LYNX1: variants seen among roughly 807,000 people sequenced by gnomAD.
The protein encoded by LYNX1 is Ly6/neurotoxin 1.
A neutral mutation model predicts 8.3 loss-of-function variants in LYNX1; 8 were observed. That is an observed-to-expected ratio of 0.97 (90% CI 0.57 to 1.74). The LOEUF (loss-of-function observed/expected upper bound fraction) is 1.74, where lower values mean the gene tolerates loss of function less well. LYNX1 is among the 40% of genes most tolerant of loss of function. The probability of loss-of-function intolerance (pLI) is 0.00; values close to 1 mark genes in which losing one functional copy is unlikely to be tolerated. For missense variants in LYNX1, 158 were observed against 159.7 expected, an observed-to-expected ratio of 0.99 and a Z score of 0.06; for synonymous variants, 73 against 67.9, an observed-to-expected ratio of 1.08 and a Z score of -0.37.
At position 142,775,078 on chromosome 8, in the gene LYNX1, T is replaced by A; in HGVS notation, c.*89A>T. On this transcript the variant is annotated 3_prime_UTR_variant, in exon 4 of 4. Coordinates refer to ENST00000652477, the MANE Select transcript of LYNX1 (RefSeq NM_177477.4). Reference sequence around the variant, plus strand: ...GCATGGCTGAGGAGGTCGCAGGGAGTGTGGAGGGTGAGGCAGGGTGAGCTG... The same window carrying A: ...GCATGGCTGAGGAGGTCGCAGGGAGAGTGGAGGGTGAGGCAGGGTGAGCTG... The A allele has an allele frequency of 6.7e-7, 1 of 1,499,808 alleles. No individual in the cohort carries two copies. The highest frequency in any genetic ancestry group is 1.3e-5 in the South Asian group (1 of 76,252). 92.9% of individuals were successfully genotyped at this position (1,499,808 alleles called of 1,614,324 possible).
chr8:142,777,639 AC>A, upstream of LYNX1: 1 of 395,508 alleles, frequency 2.5e-6, no homozygotes, highest in Non-Finnish European at 4.5e-6. Flanking sequence ...CTCGGCCCGG[AC>A]CCGTCCCCGG....
In LYNX1 at chr8:142,774,147, C is replaced by CCGA; in HGVS notation, c.*1019_*1020insTCG. ...TGCGGGGGAGGGGCTGGGTCTCCGC[C>CCGA]CTCCCCACCCCACCCTCCCCACTCC... On this transcript the variant is annotated 3_prime_UTR_variant, in exon 4 of 4. Transcript: ENST00000652477. 1.0e-6 allele frequency: 1 copy of CCGA among 982,134 alleles called. No individual in the cohort carries two copies. Among genetic ancestry groups the CCGA allele is most frequent in the Non-Finnish European group, 1.2e-6 (1 of 827,644 alleles). The allele number at this position is 982,134 out of a possible 1,614,324, so 60.8% of individuals were successfully genotyped here. A position where few individuals can be genotyped will look rare whatever the true frequency, so the allele number is the denominator to read the frequency against.
In LYNX1 at chr8:142,773,354, G is replaced by C; in HGVS notation, c.*1813C>G. Reference sequence around the variant, plus strand: ...CTTAGGGCTACAGCCACAACCACTGGGGGTAGGGGCGAGGGGAGTCCAGGC... The same window carrying C: ...CTTAGGGCTACAGCCACAACCACTGCGGGTAGGGGCGAGGGGAGTCCAGGC... On this transcript the variant is annotated 3_prime_UTR_variant, in exon 4 of 4. Transcript: ENST00000652477. The C allele has an allele frequency of 1.0e-6, 1 of 985,700 alleles. No homozygotes were observed. 61.1% of individuals were successfully genotyped at this position (985,700 alleles called of 1,614,324 possible). A position where few individuals can be genotyped will look rare whatever the true frequency, so the allele number is the denominator to read the frequency against.
chr8:142,774,158 C>CCCCCCCCCCCCA lies in LYNX1; in HGVS notation c.*1008_*1009insTGGGGGGGGGGG. 1 of 980,940 alleles carries CCCCCCCCCCCCA rather than the reference C, an allele frequency of 1.0e-6. No homozygotes were observed. Among genetic ancestry groups the CCCCCCCCCCCCA allele is most frequent in the Non-Finnish European group, 1.2e-6 (1 of 826,950 alleles). The allele number at this position is 980,940 out of a possible 1,614,324, so 60.8% of individuals were successfully genotyped here. On this transcript the variant is annotated 3_prime_UTR_variant, in exon 4 of 4. Transcript: ENST00000652477. ...GGCTGGGTCTCCGCCCTCCCCACCC[C>CCCCCCCCCCCCA]ACCCTCCCCACTCCCGCCCCCGCAC...
rs192474652 is a variant in LYNX1, at chr8:142,775,413, C to T, written c.155-50G>A. The T allele has an allele frequency of 9.4e-6, 15 of 1,597,218 alleles. No individual in the cohort carries two copies. In the East Asian group the frequency reaches 3.1e-4, roughly 33 times the overall value. On this transcript the variant is annotated intron_variant, in intron 3 of 3. Coordinates refer to ENST00000652477, the MANE Select transcript of LYNX1 (RefSeq NM_177477.4). Reference sequence around the variant, plus strand: ...CAGCTCCGCTAAGAGGGGCAGGAGACCCAGCTGGCCCCACCCCAGCATCCA... The same window carrying T: ...CAGCTCCGCTAAGAGGGGCAGGAGATCCAGCTGGCCCCACCCCAGCATCCA...
At position 142,772,149 on chromosome 8, in the gene LYNX1, G is replaced by A. The variant is rs978333999; in HGVS notation, c.*3018C>T. 4.4e-5 allele frequency: 43 copies of A among 985,938 alleles called. No homozygotes were observed. Among genetic ancestry groups the A allele is most frequent in the Middle Eastern group, 5.2e-4 (1 of 1,938 alleles). 61.1% of individuals were successfully genotyped at this position (985,938 alleles called of 1,614,324 possible). ...ATAACATCCTAGGGTGACAGAGCCC[G>A]CCCAAGCAGCCACTCCTGAGTCACT... On this transcript the variant is annotated 3_prime_UTR_variant, in exon 4 of 4. Coordinates refer to ENST00000652477, the MANE Select transcript of LYNX1 (RefSeq NM_177477.4).
intron 1 of LYNX1, 198 bp from the exon 2 acceptor site, chr8:142,776,319 A>G (rs1278032697): frequency 3.0e-6 from 1 of 334,740 alleles, no homozygotes; most frequent in East Asian, 6.4e-5. Flanking sequence ...CAGCACCTGC[A>G]AAAGCTCAAA....
In LYNX1 at chr8:142,772,617, G is replaced by A. The variant is rs1033011757; in HGVS notation, c.*2550C>T. On this transcript the variant is annotated 3_prime_UTR_variant, in exon 4 of 4. Coordinates refer to ENST00000652477, the MANE Select transcript of LYNX1 (RefSeq NM_177477.4). ...GGGCAAGATAATGGCTCCCATTGCC[G>A]GGCTGCTATACAGTGCTCAGGGCCA... The A allele has an allele frequency of 4.4e-5, 43 of 985,270 alleles. No homozygotes were observed. Among genetic ancestry groups the A allele is most frequent in the South Asian group, 2.3e-4 (5 of 21,294 alleles). 61.0% of individuals were successfully genotyped at this position (985,270 alleles called of 1,614,324 possible).
chr8:142,775,012 G>A lies in LYNX1; in HGVS notation c.*155C>T, dbSNP rs1815342212. 3 of 1,439,664 alleles carry A rather than the reference G, an allele frequency of 2.1e-6. No homozygotes were observed. Among genetic ancestry groups the A allele is most frequent in the South Asian group, 2.9e-5 (2 of 67,892 alleles). The allele number at this position is 1,439,664 out of a possible 1,614,324, so 89.2% of individuals were successfully genotyped here. On this transcript the variant is annotated 3_prime_UTR_variant, in exon 4 of 4. Coordinates refer to ENST00000652477, the MANE Select transcript of LYNX1 (RefSeq NM_177477.4). ...TCGAAGTGAGGTCGTGTGGTGGTTGGGGGAGGTCGGGTGTCTTCTTGCCCA... is the reference window on the plus strand; with the variant it reads ...TCGAAGTGAGGTCGTGTGGTGGTTGAGGGAGGTCGGGTGTCTTCTTGCCCA...
chr8:142,774,506 C>G lies in LYNX1; in HGVS notation c.*661G>C. On this transcript the variant is annotated 3_prime_UTR_variant, in exon 4 of 4. Coordinates refer to ENST00000652477, the MANE Select transcript of LYNX1 (RefSeq NM_177477.4). ...AGGGGTTTGACTGAGAGGACACACA[C>G]CCCTTGCTGGACCCGAAAAAGCTTC... The G allele has an allele frequency of 1.0e-6, 1 of 985,906 alleles. No individual in the cohort carries two copies. The highest frequency in any genetic ancestry group is 1.2e-6 in the Non-Finnish European group (1 of 830,302). The allele number at this position is 985,906 out of a possible 1,614,324, so 61.1% of individuals were successfully genotyped here. A position where few individuals can be genotyped will look rare whatever the true frequency, so the allele number is the denominator to read the frequency against.
Position 142,773,263 on chromosome 8 carries a change from C to T in LYNX1, c.*1904G>A. ...TGAGGCTGGCACTTGCAGGTGGGGG[C>T]CCTTGGGAGCTCTGGGAGGCACCTG... On this transcript the variant is annotated 3_prime_UTR_variant, in exon 4 of 4. Coordinates refer to ENST00000652477, the MANE Select transcript of LYNX1 (RefSeq NM_177477.4). The T allele has an allele frequency of 3.0e-6, 3 of 985,442 alleles. No individual in the cohort carries two copies. Among genetic ancestry groups the T allele is most frequent in the Non-Finnish European group, 3.6e-6 (3 of 829,934 alleles). The allele number at this position is 985,442 out of a possible 1,614,324, so 61.0% of individuals were successfully genotyped here.
chr8:142,775,011 G>C lies in LYNX1; in HGVS notation c.*156C>G. On this transcript the variant is annotated 3_prime_UTR_variant, in exon 4 of 4. Coordinates refer to ENST00000652477, the MANE Select transcript of LYNX1 (RefSeq NM_177477.4). ...CTCGAAGTGAGGTCGTGTGGTGGTT[G>C]GGGGAGGTCGGGTGTCTTCTTGCCC... 1 of 1,439,198 alleles carries C rather than the reference G, an allele frequency of 6.9e-7. No individual in the cohort carries two copies. The allele number at this position is 1,439,198 out of a possible 1,614,324, so 89.2% of individuals were successfully genotyped here.
At chr8:142,777,560 C>T (rs1815479952), upstream of LYNX1, among the ~76,000 whole-genome samples, 3 of 123,330 alleles carry the variant, frequency 2.4e-5, no homozygotes, top group Admixed American at 2.3e-4. Context: ...ACCCGCCGAG[C>T]CGAGTTCACC....
Position 142,774,145 on chromosome 8 carries a change from G to GCCCCGGC in LYNX1, c.*1021_*1022insGCCGGGG. On this transcript the variant is annotated 3_prime_UTR_variant, in exon 4 of 4. Coordinates refer to ENST00000652477, the MANE Select transcript of LYNX1 (RefSeq NM_177477.4). Reference sequence around the variant, plus strand: ...GCTGCGGGGGAGGGGCTGGGTCTCCGCCCTCCCCACCCCACCCTCCCCACT... The same window carrying GCCCCGGC: ...GCTGCGGGGGAGGGGCTGGGTCTCCGCCCCGGCCCCTCCCCACCCCACCCTCCCCACT... 1.3e-5 allele frequency: 13 copies of GCCCCGGC among 981,844 alleles called. No individual in the cohort carries two copies. Among genetic ancestry groups the GCCCCGGC allele is most frequent in the Non-Finnish European group, 1.3e-5 (11 of 827,982 alleles). 60.8% of individuals were successfully genotyped at this position (981,844 alleles called of 1,614,324 possible). A position where few individuals can be genotyped will look rare whatever the true frequency, so the allele number is the denominator to read the frequency against.
At position 142,772,692 on chromosome 8, in the gene LYNX1, C is replaced by T. The variant is rs1815233063; in HGVS notation, c.*2475G>A. ...CATCGCCACCTTGATGCATACAACCCGGACAAGTTTACTGCTGTGATTTCT... is the reference window on the plus strand; with the variant it reads ...CATCGCCACCTTGATGCATACAACCTGGACAAGTTTACTGCTGTGATTTCT... On this transcript the variant is annotated 3_prime_UTR_variant, in exon 4 of 4. Transcript: ENST00000652477. The T allele has an allele frequency of 3.0e-6, 3 of 985,630 alleles. No homozygotes were observed. The highest frequency in any genetic ancestry group is 9.4e-5 in the South Asian group (2 of 21,292). 61.1% of individuals were successfully genotyped at this position (985,630 alleles called of 1,614,324 possible). A position where few individuals can be genotyped will look rare whatever the true frequency, so the allele number is the denominator to read the frequency against.
Position 142,774,495 on chromosome 8 carries a change from G to T in LYNX1, c.*672C>A, listed in dbSNP as rs1815319078. On this transcript the variant is annotated 3_prime_UTR_variant, in exon 4 of 4. Transcript: ENST00000652477. Reference sequence around the variant, plus strand: ...GGGAAACGTCAAGGGGTTTGACTGAGAGGACACACACCCCTTGCTGGACCC... The same window carrying T: ...GGGAAACGTCAAGGGGTTTGACTGATAGGACACACACCCCTTGCTGGACCC... 6 of 985,724 alleles carry T rather than the reference G, an allele frequency of 6.1e-6. No individual in the cohort carries two copies. The highest frequency in any genetic ancestry group is 7.2e-6 in the Non-Finnish European group (6 of 830,144). 61.1% of individuals were successfully genotyped at this position (985,724 alleles called of 1,614,324 possible). A position where few individuals can be genotyped will look rare whatever the true frequency, so the allele number is the denominator to read the frequency against.
Position 142,772,372 on chromosome 8 carries a change from A to T in LYNX1, c.*2795T>A. ...GAGGCAGCGCTGGAGGCCTTACTCT[A>T]CCACTCAGGGCTTCTCAAACCTCTG... On this transcript the variant is annotated 3_prime_UTR_variant, in exon 4 of 4. Transcript: ENST00000652477. The T allele has an allele frequency of 4.1e-6, 4 of 985,434 alleles. No individual in the cohort carries two copies. Among genetic ancestry groups the T allele is most frequent in the Non-Finnish European group, 4.8e-6 (4 of 829,942 alleles). 61.0% of individuals were successfully genotyped at this position (985,434 alleles called of 1,614,324 possible). A position where few individuals can be genotyped will look rare whatever the true frequency, so the allele number is the denominator to read the frequency against.
chr8:142,776,171 C>T lies in LYNX1; in HGVS notation c.-164-50G>A, dbSNP rs1477315798. The T allele has an allele frequency of 6.8e-6, 4 of 587,768 alleles. No homozygotes were observed. The African/African-American group carries it at 7.4e-5, about 11-fold the overall frequency. 36.4% of individuals were successfully genotyped at this position (587,768 alleles called of 1,614,324 possible). On this transcript the variant is annotated intron_variant, in intron 1 of 3. Transcript: ENST00000652477. ...GTGGTCAGTACTGGGCCTGAAGGAC[C>T]CATGGGGGCCTGGGCAGGGATGATG... is the stretch of plus-strand genomic sequence containing the variant.
chr8:142,774,147 C>CCGG lies in LYNX1; in HGVS notation c.*1019_*1020insCCG. The CCGG allele has an allele frequency of 1.2e-5, 12 of 982,108 alleles. No individual in the cohort carries two copies. Among genetic ancestry groups the CCGG allele is most frequent in the Non-Finnish European group, 1.4e-5 (12 of 827,620 alleles). The allele number at this position is 982,108 out of a possible 1,614,324, so 60.8% of individuals were successfully genotyped here. On this transcript the variant is annotated 3_prime_UTR_variant, in exon 4 of 4. Coordinates refer to ENST00000652477, the MANE Select transcript of LYNX1 (RefSeq NM_177477.4). ...TGCGGGGGAGGGGCTGGGTCTCCGC[C>CCGG]CTCCCCACCCCACCCTCCCCACTCC...
Sources: allele counts gnomAD v4.1 joint callset (sites outside exome capture counted in the v4.1 genomes callset), GRCh38; gene constraint gnomAD v4.1.1; transcripts MANE v1.5; gene names NCBI Gene and HGNC (gene_info 2026-07-23, HGNC 2026-07-21).